The following NTM variants were observed in gnomAD, a reference collection of about 807,000 sequenced individuals.
NTM encodes the protein IgLON family member 2.
Under a neutral mutation model 42.1 loss-of-function variants are expected in NTM, and 13 were observed. That is an observed-to-expected ratio of 0.31 (90% confidence interval 0.20 to 0.49). The LOEUF is 0.49. Among genes scored for constraint, NTM ranks in the 20% least tolerant of loss-of-function variants. The pLI, the probability that NTM is intolerant of heterozygous loss-of-function variation, is 0.99. For synonymous variants in NTM, 187 were observed against 179.2 expected, an observed-to-expected ratio of 1.04 and a Z score of -0.35; for missense variants, 373 against 452.8, an observed-to-expected ratio of 0.82 and a Z score of 1.60.
At chr11:132,198,070 C>T (rs1217968373) in intron 3 of NTM, among the ~76,000 whole-genome samples, 3 of 152,150 alleles carry the variant, frequency 2.0e-5, no homozygotes. Flanking sequence ...TGAGGAATCG[C>T]CACCCTGACT....
At chr11:131,704,196 C>T (rs2076353046) in intron 1 of NTM, among the ~76,000 whole-genome samples, 1 of 152,184 alleles carries the variant, frequency 6.6e-6, no homozygotes, top group South Asian at 2.1e-4. Flanking sequence ...TAGACCCAGT[C>T]TCCAGGCCCA....
rs369298892 is a variant in NTM, at chr11:132,152,251, C to T, written c.400+5737C>T. 9.2e-5 allele frequency among the ~76,000 whole-genome samples: 14 copies of T among 152,298 alleles called. No individual in the cohort carries two copies. In the South Asian group the frequency reaches 2.1e-3, roughly 23 times the overall value. ...TGCCCTTCTGGCAGGACAAGGCTCC[C>T]GGAGAGCTCTGCAGATCTTTGCACC... On this transcript the variant is annotated intron_variant, in intron 3 of 8. Transcript: ENST00000683400.
At chr11:131,787,598 A>G (rs972187767) in intron 1 of NTM, among the ~76,000 whole-genome samples, 2 of 151,894 alleles carry the variant, frequency 1.3e-5, no homozygotes, top group Non-Finnish European at 2.9e-5. Flanking sequence ...GTTGGCCAGG[A>G]TGGTCTGGAT....
chr11:131,889,691 A>T (rs1215238702), intron 1 of NTM, among the ~76,000 whole-genome samples: 1 of 152,122 alleles, frequency 6.6e-6, no homozygotes, highest in East Asian at 1.9e-4. Context: ...TTACAAATAG[A>T]GAGAAAGGAG....
At chr11:131,770,873 C>T (rs182222328) in intron 1 of NTM, 6 of 152,274 alleles carry the variant, frequency 3.9e-5, no homozygotes, top group South Asian at 2.1e-4. Flanking sequence ...ACACCCTATG[C>T]GTCTGTCCCT....
At chr11:132,300,928 G>T (rs1284542463) in intron 4 of NTM, among the ~76,000 whole-genome samples, 1 of 152,084 alleles carries the variant, frequency 6.6e-6, no homozygotes, top group Non-Finnish European at 1.5e-5. Flanking sequence ...ATGCTTTCCA[G>T]CTCCCAGGAC....
At chr11:132,280,018 C>T (rs919861297) in intron 4 of NTM, among the ~76,000 whole-genome samples, 2 of 152,198 alleles carry the variant, frequency 1.3e-5, no homozygotes, top group Admixed American at 1.3e-4. Context: ...AACAGGACTT[C>T]ATTGATAGTC....
chr11:131,383,108 C>T lies in NTM; in HGVS notation c.82+12220C>T, dbSNP rs997007100. On this transcript the variant is annotated intron_variant, in intron 1 of 8. Coordinates refer to ENST00000683400, the MANE Select transcript of NTM (RefSeq NM_001352005.2). The stretch of plus-strand genomic sequence containing the variant: ...ATCCATTGAGATTATTTTTCGATCC[C>T]GATGAGATGTCTTCATCAGCTTTTT... 5.9e-5 allele frequency among the ~76,000 whole-genome samples: 9 copies of T among 152,138 alleles called. No homozygotes were observed. The South Asian group carries it at 6.2e-4, about 10-fold the overall frequency.
intron 1 of NTM, among the ~76,000 whole-genome samples, chr11:131,580,746 G>A (rs1297843442): frequency 6.6e-6 from 1 of 152,194 alleles, no homozygotes; most frequent in Non-Finnish European, 1.5e-5. Context: ...ATGTAAGTTA[G>A]CATTTCTTCG....
chr11:131,539,150 C>T (rs2052779764), intron 1 of NTM: 1 of 152,086 alleles, frequency 6.6e-6, no homozygotes, highest in African/African-American at 2.4e-5. Flanking sequence ...CAATGTTGCT[C>T]AGGTTGGTCT....
At chr11:131,923,511 G>A (rs1435736341) in intron 2 of NTM, among the ~76,000 whole-genome samples, 1 of 152,140 alleles carries the variant, frequency 6.6e-6, no homozygotes, top group Non-Finnish European at 1.5e-5. Flanking sequence ...GTCAGAGAGT[G>A]GAATGAGACA....
chr11:131,944,747 A>G (rs948949017), intron 2 of NTM, among the ~76,000 whole-genome samples: 1 of 152,242 alleles, frequency 6.6e-6, no homozygotes, highest in Non-Finnish European at 1.5e-5. Flanking sequence ...AAATGTGTAC[A>G]GCACATTTAT....
chr11:132,252,735 C>T (rs771695234), intron 4 of NTM, among the ~76,000 whole-genome samples: 15 of 152,086 alleles, frequency 9.9e-5, no homozygotes, highest in Admixed American at 1.3e-4. Flanking sequence ...TCAGAGCAGC[C>T]GTCCATGTGC....
At chr11:131,875,030 T>C (rs575639144) in intron 1 of NTM, among the ~76,000 whole-genome samples, 61 of 152,312 alleles carry the variant, frequency 4.0e-4, no homozygotes, top group African/African-American at 1.3e-3. Flanking sequence ...AAGGCAAGAA[T>C]AGAGACTTAA....
chr11:131,844,730 T>G (rs1287631351), intron 1 of NTM, among the ~76,000 whole-genome samples: 1 of 152,176 alleles, frequency 6.6e-6, no homozygotes, highest in Non-Finnish European at 1.5e-5. Flanking sequence ...ATTTTTGTTG[T>G]TATTATAGTG....
chr11:132,142,930 T>C (rs765815216), intron 2 of NTM, among the ~76,000 whole-genome samples: 2 of 152,178 alleles, frequency 1.3e-5, no homozygotes, highest in Non-Finnish European at 2.9e-5. Flanking sequence ...TCCTCTCGTG[T>C]TCATCGGGAG....
intron 2 of NTM, among the ~76,000 whole-genome samples, chr11:132,029,535 T>G (rs2075648908): frequency 6.6e-6 from 1 of 152,104 alleles, no homozygotes; most frequent in Non-Finnish European, 1.5e-5. Context: ...CTTTTTCCTT[T>G]TCATGTGAAA....
At position 131,468,144 on chromosome 11, in the gene NTM, C is replaced by T. The variant is rs568609957; in HGVS notation, c.82+97256C>T. 2.3e-3 allele frequency among the ~76,000 whole-genome samples: 344 copies of T among 152,308 alleles called. 1 individual carries two copies. The highest frequency in any genetic ancestry group is 8.0e-3 in the African/African-American group (332 of 41,550). On this transcript the variant is annotated intron_variant, in intron 1 of 8. Transcript: ENST00000683400. ...AGAGCCCCCTTGGCTGGCAGGTGCA[C>T]AGCCTGCCCACTCGCACTTTGCCTG...
At chr11:132,318,977 C>A (rs1839316) in intron 7 of NTM, among the ~76,000 whole-genome samples, 42,351 of 152,002 alleles carry the variant, frequency 0.28, 7,486 homozygotes, top group Non-Finnish European at 0.4. Flanking sequence ...AGCACCACAG[C>A]GATGAGCCAC....
Sources: gnomAD v4.1 joint callset for allele counts (sites outside exome capture counted in the v4.1 genomes callset) on GRCh38, gnomAD v4.1.1 for gene constraint, MANE v1.5 for transcripts, NCBI Gene and HGNC (gene_info 2026-07-23, HGNC 2026-07-21) for gene names.